SLC35F4: variants seen among roughly 807,000 people sequenced by gnomAD.
SLC35F4 encodes the protein chromosome 14 open reading frame 36.
Under a neutral mutation model 44.2 loss-of-function variants are expected in SLC35F4, and 24 were observed. The ratio of observed to expected loss-of-function variants is 0.54; its 90% CI spans 0.39 to 0.76. The LOEUF (loss-of-function observed/expected upper bound fraction) is 0.76, where lower values mean the gene tolerates loss of function less well. Ranked by LOEUF, SLC35F4 falls within the 30% of genes least tolerant of loss-of-function variation. The probability of loss-of-function intolerance (pLI) is 0.00; values close to 1 mark genes in which losing one functional copy is unlikely to be tolerated. For missense variants in SLC35F4, 562 were observed against 586.1 expected (o/e 0.96, Z 0.42); for synonymous variants, 238 against 223.6 (o/e 1.06, Z -0.57).
chr14:57,942,717 C>T (rs1176929286), intron 1 of SLC35F4, among the ~76,000 whole-genome samples: 1 of 152,152 alleles, frequency 6.6e-6, no homozygotes, highest in Non-Finnish European at 1.5e-5. Flanking sequence ...TTGGAAGCCA[C>T]GACTTATACT....
intron 1 of SLC35F4, among the ~76,000 whole-genome samples, chr14:57,620,414 C>T (rs113258418): frequency 0.057 from 8,651 of 152,164 alleles, 689 homozygotes; most frequent in African/African-American, 0.18. Context: ...GAATTTTCAA[C>T]CCAGAATTTC....
chr14:57,685,410 TAAG>T (rs1161659410), intron 1 of SLC35F4, among the ~76,000 whole-genome samples: 1 of 152,156 alleles, frequency 6.6e-6, no homozygotes, highest in Non-Finnish European at 1.5e-5. Context: ...ATGAGGTAAT[TAAG>T]GAGGGCCCTA....
chr14:57,595,828 A>G (rs374466902), intron 1 of SLC35F4: 36 of 151,946 alleles, frequency 2.4e-4, no homozygotes, highest in African/African-American at 7.7e-4. Context: ...TCCCTGCCCC[A>G]CTCCTGAAAT....
chr14:57,640,591 T>C (rs528222811), intron 1 of SLC35F4, among the ~76,000 whole-genome samples: 1 of 152,142 alleles, frequency 6.6e-6, no homozygotes, highest in African/African-American at 2.4e-5. Flanking sequence ...TTGTATTTGT[T>C]CCTTATTCAA....
chr14:57,603,091 A>G (rs2070926075), intron 1 of SLC35F4, among the ~76,000 whole-genome samples: 1 of 152,200 alleles, frequency 6.6e-6, no homozygotes, highest in Non-Finnish European at 1.5e-5. Flanking sequence ...TCTGCTGAAC[A>G]TTTATAGAAA....
At chr14:57,811,409 GAGGCCTAAAACAATCAGTGCCTGGC>G (rs1360379068) in intron 1 of SLC35F4, among the ~76,000 whole-genome samples, 1 of 152,162 alleles carries the variant, frequency 6.6e-6, no homozygotes, top group Non-Finnish European at 1.5e-5. Flanking sequence ...TGTATATCAG[GAGGCCTAAAACAATCAGTGCCTGGC>G]ATTTAACAGA....
chr14:57,759,059 G>A (rs769914917), intron 1 of SLC35F4, among the ~76,000 whole-genome samples: 3 of 151,990 alleles, frequency 2.0e-5, no homozygotes, highest in Non-Finnish European at 2.9e-5. Context: ...TATATATGTC[G>A]GGACTTGCTT....
intron 1 of SLC35F4, among the ~76,000 whole-genome samples, chr14:57,680,054 G>A (rs1396447571): frequency 6.6e-6 from 1 of 151,978 alleles, no homozygotes; most frequent in Non-Finnish European, 1.5e-5. Flanking sequence ...ACCAAAACCT[G>A]GCAGAGACCC....
intron 1 of SLC35F4, among the ~76,000 whole-genome samples, chr14:57,681,992 A>T (rs2074920570): frequency 6.6e-6 from 1 of 152,226 alleles, no homozygotes; most frequent in Non-Finnish European, 1.5e-5. Context: ...AAGTTAGGAA[A>T]CAACAGATGC....
chr14:57,895,556 C>T (rs1171593648), intron 1 of SLC35F4, among the ~76,000 whole-genome samples: 1 of 151,598 alleles, frequency 6.6e-6, no homozygotes, highest in Non-Finnish European at 1.5e-5. Context: ...GCATGTGGCA[C>T]TTACCCCTTC....
intron 1 of SLC35F4, among the ~76,000 whole-genome samples, chr14:57,701,448 A>G (rs1173274518): frequency 3.3e-5 from 5 of 152,180 alleles, no homozygotes; most frequent in Non-Finnish European, 7.3e-5. Context: ...AAAAACATAA[A>G]CTGTTAACAC....
intron 1 of SLC35F4, among the ~76,000 whole-genome samples, chr14:57,902,780 T>C (rs571836466): frequency 6.6e-6 from 1 of 152,286 alleles, no homozygotes; most frequent in Admixed American, 6.5e-5. Context: ...TGTAATCCCC[T>C]ACTTACTCTT....
intron 1 of SLC35F4, among the ~76,000 whole-genome samples, chr14:57,906,079 T>A (rs1375359792): frequency 6.6e-6 from 1 of 152,158 alleles, no homozygotes; most frequent in Non-Finnish European, 1.5e-5. Context: ...ATGAGGACAG[T>A]GTGCATCCCC....
chr14:57,961,662 T>G lies in SLC35F4; in HGVS notation n.282+20251A>C, dbSNP rs74055561. Among the ~76,000 whole-genome samples the G allele has an allele frequency of 8.8e-3, 1,343 of 152,302 alleles. 18 individuals carry two copies. The highest frequency in any genetic ancestry group is 0.03 in the African/African-American group (1,257 of 41,550). ...GGATGGCTGCCCTACCTCCCCGGCT[T>G]CTTCTCCTGACATGCTTCTCTTGCC... On this transcript the variant is annotated intron_variant and non_coding_transcript_variant, in intron 1 of 1. Transcript: ENST00000556568.
At chr14:57,881,542 G>C (rs1374468287) in intron 1 of SLC35F4, among the ~76,000 whole-genome samples, 1 of 151,908 alleles carries the variant, frequency 6.6e-6, no homozygotes, top group African/African-American at 2.4e-5. Context: ...TTTTAAAATG[G>C]GCATAATAAC....
chr14:57,759,915 T>C (rs1055587340), intron 1 of SLC35F4, among the ~76,000 whole-genome samples: 9 of 151,878 alleles, frequency 5.9e-5, no homozygotes, highest in Admixed American at 3.9e-4. Context: ...CTATCGAGTT[T>C]AAGGAGTTTT....
At chr14:57,851,035 A>G (rs749185831) in intron 1 of SLC35F4, among the ~76,000 whole-genome samples, 48 of 152,184 alleles carry the variant, frequency 3.2e-4, no homozygotes, top group Non-Finnish European at 5.1e-4. Context: ...TTGCTATCTC[A>G]TATCCTTGTG....
chr14:57,664,884 T>G (rs1026307970), intron 1 of SLC35F4, among the ~76,000 whole-genome samples: 3 of 152,192 alleles, frequency 2.0e-5, no homozygotes, highest in African/African-American at 7.2e-5. Flanking sequence ...CAGTGAAAGA[T>G]AAACCCTTAG....
rs543357486 is a variant in SLC35F4 at position 57,585,057 on chromosome 14, C to G, written c.588-3624G>C. On this transcript the variant is annotated intron_variant, in intron 3 of 7. Transcript: ENST00000556826. ...TCTCAAATAGTCATAGGGCTCTCCCCCAATCCAGTAAGCATTTACTCTCTT... is the reference window on the plus strand; with the variant it reads ...TCTCAAATAGTCATAGGGCTCTCCCGCAATCCAGTAAGCATTTACTCTCTT... 2.0e-5 allele frequency among the ~76,000 whole-genome samples: 3 copies of G among 152,258 alleles called. No homozygotes were observed. The South Asian group carries it at 6.2e-4, about 32-fold the overall frequency.
Sources: allele counts gnomAD v4.1 joint callset (sites outside exome capture counted in the v4.1 genomes callset), GRCh38; gene constraint gnomAD v4.1.1; transcripts MANE v1.5; gene names NCBI Gene and HGNC (gene_info 2026-07-23, HGNC 2026-07-21).